The following SDK1 variants were observed in gnomAD, a reference collection of about 807,000 sequenced individuals.
SDK1 encodes the protein sidekick cell adhesion molecule 1, also known as protein sidekick-1.
In SDK1, 157 loss-of-function variants were observed where a neutral mutation model predicts 245.5. That is an observed-to-expected ratio of 0.64 (90% CI 0.56 to 0.73). The LOEUF is 0.73. Among genes scored for constraint, SDK1 ranks in the 30% least tolerant of loss-of-function variants. The probability of loss-of-function intolerance (pLI) is 0.00; values close to 1 mark genes in which losing one functional copy is unlikely to be tolerated. For synonymous variants in SDK1, 1,647 were observed against 1,278.5 expected, an observed-to-expected ratio of 1.29 and a Z score of -6.15; for missense variants, 3,583 against 3,002.3, an observed-to-expected ratio of 1.19 and a Z score of -4.52.
intron 1 of SDK1, among the ~76,000 whole-genome samples, chr7:3,576,079 C>T (rs967029411): frequency 1.3e-5 from 2 of 152,082 alleles, no homozygotes; most frequent in Admixed American, 6.5e-5. Context: ...CCTGACTTTA[C>T]ATTTCAGATC....
chr7:3,496,351 T>A (rs552114730), intron 1 of SDK1, among the ~76,000 whole-genome samples: 2 of 152,356 alleles, frequency 1.3e-5, no homozygotes, highest in Admixed American at 1.3e-4. Context: ...GGAGTCTCAC[T>A]GTGTATTATT....
At chr7:3,904,658 C>T (rs1181331610) in intron 5 of SDK1, among the ~76,000 whole-genome samples, 1 of 152,066 alleles carries the variant, frequency 6.6e-6, no homozygotes, top group East Asian at 1.9e-4. Context: ...AACACCACTT[C>T]ACTCCAGCCT....
chr7:3,973,694 C>T (rs1415153417), intron 12 of SDK1, among the ~76,000 whole-genome samples: 1 of 151,884 alleles, frequency 6.6e-6, no homozygotes, highest in Non-Finnish European at 1.5e-5. Context: ...ATGTTGGGTG[C>T]AGTTTTCATA....
intron 4 of SDK1, among the ~76,000 whole-genome samples, chr7:3,700,395 A>T (rs1040354644): frequency 6.6e-6 from 1 of 152,232 alleles, no homozygotes; most frequent in African/African-American, 2.4e-5. Context: ...ACAGTGATAT[A>T]GAGGAGATGT....
chr7:4,257,806 G>A (rs1787722743), intron 44 of SDK1, among the ~76,000 whole-genome samples: 1 of 152,166 alleles, frequency 6.6e-6, no homozygotes, highest in East Asian at 1.9e-4. Context: ...TTCCTCCCCA[G>A]AACAAAGCAC....
At chr7:3,536,838 T>C (rs1778903561) in intron 1 of SDK1, among the ~76,000 whole-genome samples, 2 of 152,260 alleles carry the variant, frequency 1.3e-5, no homozygotes, top group South Asian at 4.1e-4. Flanking sequence ...TGATATTTTA[T>C]TGGGAAAAAT....
chr7:3,929,103 G>C (rs1779883749), intron 5 of SDK1, among the ~76,000 whole-genome samples: 1 of 152,222 alleles, frequency 6.6e-6, no homozygotes, highest in Non-Finnish European at 1.5e-5. Flanking sequence ...AGGAGTCTAG[G>C]CTGCCTCAGG....
chr7:3,481,335 G>C (rs889624278), intron 1 of SDK1, among the ~76,000 whole-genome samples: 1 of 152,194 alleles, frequency 6.6e-6, no homozygotes, highest in East Asian at 1.9e-4. Context: ...TGACTGTAGT[G>C]ACTGCATATC....
At chr7:4,184,723 G>A (rs548259236) in intron 35 of SDK1, among the ~76,000 whole-genome samples, 5 of 152,314 alleles carry the variant, frequency 3.3e-5, no homozygotes, top group South Asian at 2.1e-4. Flanking sequence ...ATAATCCATC[G>A]GTAAGGACTC....
At chr7:3,889,450 C>A (rs1016030607) in intron 5 of SDK1, among the ~76,000 whole-genome samples, 1 of 152,058 alleles carries the variant, frequency 6.6e-6, no homozygotes, top group African/African-American at 2.4e-5. Flanking sequence ...TGGAATCTAC[C>A]GTGGTGGTGT....
chr7:3,991,651 G>A (rs75468442), intron 14 of SDK1, among the ~76,000 whole-genome samples: 5 of 152,158 alleles, frequency 3.3e-5, no homozygotes, highest in African/African-American at 9.6e-5. Flanking sequence ...GAAGCTGGCC[G>A]ACGTTCCCAG....
At chr7:3,515,286 G>C (rs1269508829) in intron 1 of SDK1, among the ~76,000 whole-genome samples, 2 of 152,130 alleles carry the variant, frequency 1.3e-5, no homozygotes, top group South Asian at 2.1e-4. Context: ...AGAAAAAGAA[G>C]AAAATTCGTT....
intron 5 of SDK1, among the ~76,000 whole-genome samples, chr7:3,943,898 G>A (rs188792801): frequency 2.0e-5 from 3 of 152,218 alleles, no homozygotes; most frequent in East Asian, 1.9e-4. Context: ...ACAAAGAGGC[G>A]TCATCTGAAG....
chr7:3,436,253 T>C (rs1780019041), intron 1 of SDK1, among the ~76,000 whole-genome samples: 1 of 152,116 alleles, frequency 6.6e-6, no homozygotes, highest in South Asian at 2.1e-4. Flanking sequence ...TATGGCTGAC[T>C]TTAGAAAACT....
At chr7:3,907,047 A>G (rs1386205696) in intron 5 of SDK1, among the ~76,000 whole-genome samples, 1 of 152,180 alleles carries the variant, frequency 6.6e-6, no homozygotes, top group South Asian at 2.1e-4. Flanking sequence ...TCCTTGTAGC[A>G]GGAATAGGGT....
chr7:3,588,692 C>T (rs968647013), intron 1 of SDK1, among the ~76,000 whole-genome samples: 4 of 152,162 alleles, frequency 2.6e-5, no homozygotes, highest in Non-Finnish European at 5.9e-5. Context: ...TTAAATTGAG[C>T]AGGTTTTATC....
At chr7:3,880,528 A>G (rs1781182107) in intron 5 of SDK1, among the ~76,000 whole-genome samples, 1 of 150,844 alleles carries the variant, frequency 6.6e-6, no homozygotes, top group Non-Finnish European at 1.5e-5. Flanking sequence ...TGACATTTTA[A>G]AACAATGCCC....
At chr7:3,881,306 A>T (rs1201032850) in intron 5 of SDK1, among the ~76,000 whole-genome samples, 1 of 151,822 alleles carries the variant, frequency 6.6e-6, no homozygotes, top group Admixed American at 6.6e-5. Flanking sequence ...CCATGTGTCC[A>T]TGTATTCTCA....
intron 4 of SDK1, among the ~76,000 whole-genome samples, chr7:3,651,426 A>T (rs987714140): frequency 6.6e-6 from 1 of 152,216 alleles, no homozygotes; most frequent in Non-Finnish European, 1.5e-5. Flanking sequence ...CATTTATTTG[A>T]AAAGTCAGTT....
Sources: allele counts gnomAD v4.1 joint callset (sites outside exome capture counted in the v4.1 genomes callset), GRCh38; gene constraint gnomAD v4.1.1; transcripts MANE v1.5; gene names NCBI Gene and HGNC (gene_info 2026-07-23, HGNC 2026-07-21).